TNFRSF10D: variants seen among roughly 807,000 people sequenced by gnomAD.
The protein encoded by TNFRSF10D is tumor necrosis factor receptor superfamily member 10D.
In TNFRSF10D, 28 loss-of-function variants were observed where a neutral mutation model predicts 42.1. The ratio of observed to expected loss-of-function variants is 0.66; its 90% CI spans 0.49 to 0.91. TNFRSF10D has a LOEUF of 0.91. TNFRSF10D is among the 40% of genes least tolerant of loss of function. The probability of loss-of-function intolerance (pLI) is 0.00; values close to 1 mark genes in which losing one functional copy is unlikely to be tolerated. For missense variants in TNFRSF10D, 503 were observed against 486.1 expected (o/e 1.03, Z -0.33); for synonymous variants, 186 against 189.4 (o/e 0.98, Z 0.15).
chr8:23,157,991 A>G (rs563683973), intron 1 of TNFRSF10D, among the ~76,000 whole-genome samples: 15 of 152,336 alleles, frequency 9.8e-5, no homozygotes, highest in East Asian at 5.8e-4. Context: ...CAGCTTCCCA[A>G]TAAGATTTCA....
At chr8:23,161,992 C>T (rs1800373633) in intron 1 of TNFRSF10D, among the ~76,000 whole-genome samples, 1 of 152,142 alleles carries the variant, frequency 6.6e-6, no homozygotes, top group Non-Finnish European at 1.5e-5. Flanking sequence ...GGCAAATTTG[C>T]TTTGGGTTAT....
chr8:23,146,685 G>A (rs1800125556), intron 4 of TNFRSF10D, among the ~76,000 whole-genome samples: 1 of 152,116 alleles, frequency 6.6e-6, no homozygotes, highest in Non-Finnish European at 1.5e-5. Flanking sequence ...AAGGTTCAAG[G>A]GACCTAGAAA....
At chr8:23,150,359 C>T (rs1800198658) in intron 2 of TNFRSF10D, among the ~76,000 whole-genome samples, 1 of 152,230 alleles carries the variant, frequency 6.6e-6, no homozygotes, top group Admixed American at 6.5e-5. Flanking sequence ...CCTTGAACCA[C>T]ACCACATGGC....
intron 4 of TNFRSF10D, among the ~76,000 whole-genome samples, chr8:23,146,208 G>A (rs562403253): frequency 1.3e-5 from 2 of 152,336 alleles, no homozygotes; most frequent in African/African-American, 4.8e-5. Flanking sequence ...GGAGGCCTGC[G>A]TTAGGAGGAG....
intron 2 of TNFRSF10D, 71 bp downstream of exon 2, chr8:23,154,803 G>T: frequency 6.8e-7 from 1 of 1,466,266 alleles, no homozygotes; most frequent in Admixed American, 2.0e-5. Flanking sequence ...ACATCATGGT[G>T]TACACCATGA....
In TNFRSF10D at chr8:23,145,087, C is replaced by G; in HGVS notation, c.739G>C (p.Gly247Arg). Residue 247 changes from glycine (G) to arginine (R), a missense_variant and splice_region_variant, in exon 6 of 9, where the codon GGT becomes CGT. By Grantham distance (125) the Gly-to-Arg change is moderately radical. Coordinates refer to ENST00000312584, the MANE Select transcript of TNFRSF10D (RefSeq NM_003840.5). ...ISYLKGICSG[G>R]GGGPERVHRV... ...TGCACACGTTCGGGACCTCCTCCAC[C>G]ACCTGGAAAAGAAGCAGTCTCCTGA... The G allele has an allele frequency of 6.2e-7, 1 of 1,614,118 alleles. No homozygotes were observed. Among genetic ancestry groups the G allele is most frequent in the Non-Finnish European group, 8.5e-7 (1 of 1,180,010 alleles).
At chr8:23,147,978 TGG>T (rs1800147714) in intron 3 of TNFRSF10D, among the ~76,000 whole-genome samples, 1 of 145,136 alleles carries the variant, frequency 6.9e-6, no homozygotes, top group African/African-American at 2.6e-5. Flanking sequence ...GGCAGGAGAA[TGG>T]CGTGAACTCA....
chr8:23,149,189 C>CAAAAAAAAAAA (rs370400558), intron 2 of TNFRSF10D, among the ~76,000 whole-genome samples: 2 of 85,584 alleles, frequency 2.3e-5, no homozygotes, highest in Non-Finnish European at 4.4e-5. Flanking sequence ...GACTCTGTCT[C>CAAAAAAAAAAA]AAAAAAAAAA....
At chr8:23,140,923 C>CA (rs1814455650) in intron 7 of TNFRSF10D, among the ~76,000 whole-genome samples, 1 of 152,112 alleles carries the variant, frequency 6.6e-6, no homozygotes, top group African/African-American at 2.4e-5. Flanking sequence ...TGGAATAATA[C>CA]AACTCCCCAT....
At chr8:23,156,339 C>CGCCTGTAATCCCAGCACT (rs1800279818) in intron 1 of TNFRSF10D, among the ~76,000 whole-genome samples, 4 of 152,004 alleles carry the variant, frequency 2.6e-5, no homozygotes, top group African/African-American at 7.3e-5. Flanking sequence ...AGCTACTTAC[C>CGCCTGTAATCCCAGCACT]TTGGGCTCTG....
At position 23,138,248 on chromosome 8, in the gene TNFRSF10D, C is replaced by G; in HGVS notation, c.967G>C (p.Ala323Pro). ...AGCCTCCTCCTCTGACACCCTTCAG[C>G]TTCTGCCTGTTCCTGTAACACACAG... ...EPQRLLEQAE[A>P]EGCQRRRLLV... is the part of the protein sequence containing the mutation. The change falls in exon 8 of 9, where the codon GCT becomes CCT. Residue 323 changes from alanine to proline, a missense_variant. Physicochemically the swap from Ala to Pro is conservative, Grantham distance 27. Coordinates refer to ENST00000312584, the MANE Select transcript of TNFRSF10D (RefSeq NM_003840.5). 1 of 1,614,238 alleles carries G rather than the reference C, an allele frequency of 6.2e-7. No homozygotes were observed. Among genetic ancestry groups the G allele is most frequent in the East Asian group, 2.2e-5 (1 of 44,880 alleles).
intron 2 of TNFRSF10D, among the ~76,000 whole-genome samples, 172 bp from the exon 3 acceptor site, chr8:23,148,723 A>C (rs982105285): frequency 7.9e-5 from 12 of 152,116 alleles, no homozygotes; most frequent in African/African-American, 2.9e-4. Context: ...CATACCTTTG[A>C]CTGGCACTGC....
Position 23,154,984 on chromosome 8 carries a change from G to T in TNFRSF10D, c.151-5C>A, listed in dbSNP as rs201550706. ...GGTGGCAGAGTCAACCCGGACCTGT[G>T]GGGACAAGGCAGAGATGGGCTTGAG... is the stretch of plus-strand genomic sequence containing the variant. On this transcript the variant is annotated splice_region_variant and splice_polypyrimidine_tract_variant and intron_variant, in intron 1 of 8. Coordinates refer to ENST00000312584, the MANE Select transcript of TNFRSF10D (RefSeq NM_003840.5). The T allele has an allele frequency of 6.2e-7, 1 of 1,605,962 alleles. No homozygotes were observed. The highest frequency in any genetic ancestry group is 1.7e-5 in the Admixed American group (1 of 59,136).
Position 23,144,595 on chromosome 8 carries a change from C to T in TNFRSF10D, c.809G>A (p.Gly270Glu). 6.2e-7 allele frequency: 1 copy of T among 1,614,144 alleles called. No individual in the cohort carries two copies. Among genetic ancestry groups the T allele is most frequent in the Non-Finnish European group, 8.5e-7 (1 of 1,180,004 alleles). The change falls in exon 7 of 9, where the codon GGG (glycine) becomes GAG (glutamate). Residue 270 changes from glycine (G) to glutamate (E), a missense_variant. Transcript: ENST00000312584. ...RRRSCPSRVP[G>E]AEDNARNETL... ...CTCGTTGCGGGCATTGTCCTCCGCC[C>T]CAGGAACTCGTGAAGGACATGAACG... is the stretch of plus-strand genomic sequence containing the variant.
At chr8:23,138,351 G>A (rs1234459985) in intron 7 of TNFRSF10D, 91 bp from the exon 8 acceptor site, 4 of 1,403,860 alleles carry the variant, frequency 2.8e-6, no homozygotes, top group Non-Finnish European at 4.0e-6. Flanking sequence ...GAGACCTGCA[G>A]CGCTTTCCCT....
intron 7 of TNFRSF10D, 28 bp downstream of exon 7, chr8:23,144,422 G>C: frequency 6.2e-7 from 1 of 1,606,620 alleles, no homozygotes; most frequent in African/African-American, 1.3e-5. Context: ...CTGCACGCCA[G>C]GCAGGGCACA....
chr8:23,147,765 A>G (rs1265301280), intron 3 of TNFRSF10D, among the ~76,000 whole-genome samples: 2 of 152,052 alleles, frequency 1.3e-5, no homozygotes, highest in Admixed American at 1.3e-4. Flanking sequence ...TGTCTCTACT[A>G]AAAACACAAA....
At chr8:23,151,324 G>A (rs1800209857) in intron 2 of TNFRSF10D, among the ~76,000 whole-genome samples, 1 of 151,372 alleles carries the variant, frequency 6.6e-6, no homozygotes, top group Admixed American at 6.6e-5. Context: ...GAAATGCAGA[G>A]CAGTAAAGAC....
At chr8:23,152,359 A>G (rs560222153) in intron 2 of TNFRSF10D, among the ~76,000 whole-genome samples, 928 of 152,222 alleles carry the variant, frequency 6.1e-3, no homozygotes, top group African/African-American at 0.019. Flanking sequence ...GTGGGACTAC[A>G]CCTTTATAAA....
Sources: allele counts gnomAD v4.1 joint callset (sites outside exome capture counted in the v4.1 genomes callset), GRCh38; gene constraint gnomAD v4.1.1; transcripts MANE v1.5; gene names NCBI Gene and HGNC (gene_info 2026-07-23, HGNC 2026-07-21).